CTTNBP2NL: variants seen among roughly 807,000 people sequenced by gnomAD.
CTTNBP2NL encodes CTTNBP2 N-terminal like.
A neutral mutation model predicts 32.5 loss-of-function variants in CTTNBP2NL; 16 were observed. The observed-to-expected ratio is 0.49, with a 90% confidence interval of 0.33 to 0.75. CTTNBP2NL has a LOEUF of 0.75. CTTNBP2NL is among the 30% of genes least tolerant of loss of function. The probability of loss-of-function intolerance (pLI) is 0.02; values close to 1 mark genes in which losing one functional copy is unlikely to be tolerated. For missense variants in CTTNBP2NL, 645 were observed against 756.0 expected (o/e 0.85, Z 1.72); for synonymous variants, 298 against 289.4 (o/e 1.03, Z -0.30).
chr1:112,444,531 T>C (rs1385026793), intron 3 of CTTNBP2NL, among the ~76,000 whole-genome samples: 1 of 152,224 alleles, frequency 6.6e-6, no homozygotes, highest in Non-Finnish European at 1.5e-5. Flanking sequence ...CCCTCTGTTA[T>C]TGAATCTGTC....
At chr1:112,445,687 A>G (rs181736032) in intron 3 of CTTNBP2NL, among the ~76,000 whole-genome samples, 29 of 152,362 alleles carry the variant, frequency 1.9e-4, no homozygotes, top group African/African-American at 6.0e-4. Context: ...TGGAATTACT[A>G]TGAAGTACTA....
chr1:112,397,266 T>A (rs777542889), intron 1 of CTTNBP2NL, among the ~76,000 whole-genome samples: 87 of 152,326 alleles, frequency 5.7e-4, no homozygotes, highest in Non-Finnish European at 1.1e-3. Flanking sequence ...TAGGGTGGGC[T>A]GGTCCATTGC....
chr1:112,432,663 C>T (rs1649602494), intron 3 of CTTNBP2NL, among the ~76,000 whole-genome samples: 1 of 151,560 alleles, frequency 6.6e-6, no homozygotes, highest in Admixed American at 6.6e-5. Context: ...TCAGTTACAC[C>T]TTGCCTTCTC....
chr1:112,458,367 T>C lies in CTTNBP2NL; in HGVS notation c.*955T>C, dbSNP rs908381790. ...AAGTTTTACCAAATTGTTACACTTA[T>C]TCTCCAAGCTGCCAGAACCTGGTAT... On this transcript the variant is annotated 3_prime_UTR_variant, in exon 6 of 6. Coordinates refer to ENST00000271277, the MANE Select transcript of CTTNBP2NL (RefSeq NM_018704.3). 4 of 152,670 alleles carry C rather than the reference T, an allele frequency of 2.6e-5. No homozygotes were observed. The highest frequency in any genetic ancestry group is 4.8e-5 in the African/African-American group (2 of 41,468). The allele number at this position is 152,670 out of a possible 1,614,324, so 9.5% of individuals were successfully genotyped here.
At chr1:112,422,521 T>C (rs1300953171) in intron 3 of CTTNBP2NL, among the ~76,000 whole-genome samples, 1 of 152,250 alleles carries the variant, frequency 6.6e-6, no homozygotes, top group East Asian at 1.9e-4. Context: ...ATTGAATGGC[T>C]ATATCATATG....
intron 3 of CTTNBP2NL, among the ~76,000 whole-genome samples, chr1:112,446,456 A>C (rs1052707505): frequency 6.6e-6 from 1 of 152,232 alleles, no homozygotes; most frequent in African/African-American, 2.4e-5. Context: ...ATTTAAAGAA[A>C]CATGGTAAAA....
intron 2 of CTTNBP2NL, among the ~76,000 whole-genome samples, chr1:112,412,871 C>T (rs867021773): frequency 6.6e-6 from 1 of 151,982 alleles, no homozygotes. Context: ...CTCCCACCTC[C>T]ACCTCCCAAA....
chr1:112,451,767 CAA>C (rs1308116077), intron 4 of CTTNBP2NL, among the ~76,000 whole-genome samples: 3 of 56,040 alleles, frequency 5.4e-5, no homozygotes, highest in African/African-American at 9.8e-5. Context: ...AAGACTGTCT[CAA>C]AAAAAAAAAA....
chr1:112,402,063 C>T (rs1648520795), intron 1 of CTTNBP2NL, among the ~76,000 whole-genome samples: 1 of 152,114 alleles, frequency 6.6e-6, no homozygotes. Context: ...ATTCTTTGTG[C>T]AAAACTGCTG....
chr1:112,404,071 A>G (rs1408820699), intron 1 of CTTNBP2NL, among the ~76,000 whole-genome samples: 1 of 152,224 alleles, frequency 6.6e-6, no homozygotes, highest in African/African-American at 2.4e-5. Flanking sequence ...TGTCCATTTT[A>G]TAGCTAAAAA....
intron 4 of CTTNBP2NL, among the ~76,000 whole-genome samples, chr1:112,453,949 GT>G (rs557671906): frequency 0.011 from 1,707 of 152,260 alleles, 14 homozygotes; most frequent in Non-Finnish European, 0.018. Context: ...ATATAAAAAT[GT>G]ATATTATTAG....
rs72983864 is a variant in CTTNBP2NL, at chr1:112,416,078, T to C, written c.-9-79T>C. Reference sequence around the variant, plus strand: ...GCATTTGATACTATAATTGCTCTTATCTCTCACTTTATTTTTTCTTTAATT... The same window carrying C: ...GCATTTGATACTATAATTGCTCTTACCTCTCACTTTATTTTTTCTTTAATT... On this transcript the variant is annotated intron_variant, in intron 2 of 5. Transcript: ENST00000271277. The C allele has an allele frequency of 8.6e-4, 669 of 773,730 alleles. 2 individuals carry two copies. The African/African-American group carries it at 0.011, about 13-fold the overall frequency. The allele number at this position is 773,730 out of a possible 1,614,324, so 47.9% of individuals were successfully genotyped here.
In CTTNBP2NL at chr1:112,457,497, TTATTTTG is replaced by T; in HGVS notation, c.*86_*92del. The T allele has an allele frequency of 8.4e-7, 1 of 1,197,510 alleles. No homozygotes were observed. The allele number at this position is 1,197,510 out of a possible 1,614,324, so 74.2% of individuals were successfully genotyped here. A position where few individuals can be genotyped will look rare whatever the true frequency, so the allele number is the denominator to read the frequency against. The stretch of plus-strand genomic sequence containing the variant: ...AGACTTCTGAGTCAGATTATGTTAT[TTATTTTG>T]ATAGTAGCTGAAACCATCTGTATAA... On this transcript the variant is annotated 3_prime_UTR_variant, in exon 6 of 6. Transcript: ENST00000271277.
At chr1:112,420,991 T>C (rs1306335312) in intron 3 of CTTNBP2NL, among the ~76,000 whole-genome samples, 1 of 152,204 alleles carries the variant, frequency 6.6e-6, no homozygotes, top group Non-Finnish European at 1.5e-5. Context: ...TAAGTTTTAT[T>C]GGTAAAATGT....
At chr1:112,397,613 T>G (rs1648368039) in intron 1 of CTTNBP2NL, among the ~76,000 whole-genome samples, 1 of 152,240 alleles carries the variant, frequency 6.6e-6, no homozygotes, top group South Asian at 2.1e-4. Flanking sequence ...AAAGGTTTTG[T>G]CAAGTGGTCT....
chr1:112,415,852 G>C, intron 2 of CTTNBP2NL: 1 of 309,128 alleles, frequency 3.2e-6, no homozygotes, highest in Non-Finnish European at 6.0e-6. Flanking sequence ...ACTGCACCCA[G>C]CCCTAGCGGC....
intron 4 of CTTNBP2NL, 90 bp from the exon 5 acceptor site, chr1:112,454,359 T>A: frequency 1.1e-6 from 1 of 904,498 alleles, no homozygotes; most frequent in Non-Finnish European, 1.8e-6. Context: ...TGGAACTATC[T>A]AAGGTGCCTG....
chr1:112,395,954 C>T (rs987327183), upstream of CTTNBP2NL, among the ~76,000 whole-genome samples: 5 of 152,230 alleles, frequency 3.3e-5, no homozygotes, highest in African/African-American at 1.2e-4. Context: ...AGTTGCAGAC[C>T]CCGAGCCGGG....
intron 2 of CTTNBP2NL, among the ~76,000 whole-genome samples, chr1:112,412,568 TTTATA>T (rs1399902391): frequency 1.3e-5 from 2 of 151,882 alleles, no homozygotes; most frequent in African/African-American, 4.8e-5. Flanking sequence ...CTGTGTAATA[TTTATA>T]TTGTGTTCAT....
Sources: allele counts gnomAD v4.1 joint callset (sites outside exome capture counted in the v4.1 genomes callset), GRCh38; gene constraint gnomAD v4.1.1; transcripts MANE v1.5; gene names NCBI Gene and HGNC (gene_info 2026-07-23, HGNC 2026-07-21).